USH2A: variants seen among roughly 807,000 people sequenced by gnomAD.
USH2A encodes Usher syndrome 2A (autosomal recessive, mild).
In USH2A, 443 loss-of-function variants were observed where a neutral mutation model predicts 538.9. That is an observed-to-expected ratio of 0.82 (90% CI 0.76 to 0.89). The LOEUF (loss-of-function observed/expected upper bound fraction) is 0.89, where lower values mean the gene tolerates loss of function less well. Ranked by LOEUF, USH2A falls within the 40% of genes least tolerant of loss-of-function variation. The probability of loss-of-function intolerance (pLI) is 0.00; values close to 1 mark genes in which losing one functional copy is unlikely to be tolerated. For synonymous variants in USH2A, 2,413 were observed against 2,273.5 expected, an observed-to-expected ratio of 1.06 and a Z score of -1.75; for missense variants, 6,633 against 6,324.8, an observed-to-expected ratio of 1.05 and a Z score of -1.65.
chr1:215,838,278 G>T (rs1374474348), intron 46 of USH2A, among the ~76,000 whole-genome samples, 175 bp from the exon 47 acceptor site: 1 of 152,180 alleles, frequency 6.6e-6, no homozygotes, highest in Non-Finnish European at 1.5e-5. Flanking sequence ...AATGAGCTCA[G>T]AGGAAGGTAC....
chr1:216,096,712 A>G (rs145700845), intron 22 of USH2A, among the ~76,000 whole-genome samples: 197 of 152,324 alleles, frequency 1.3e-3, no homozygotes, highest in African/African-American at 4.6e-3. Context: ...TGCTGGTGAA[A>G]CAATGAAAAA....
At chr1:215,844,554 A>G in intron 45 of USH2A, 58 bp from the exon 46 acceptor site, 1 of 1,564,630 alleles carries the variant, frequency 6.4e-7, no homozygotes, top group Non-Finnish European at 8.7e-7. Flanking sequence ...AGCACATGTT[A>G]AGCTAAATGC....
At chr1:215,886,522 T>C (rs551067329) in intron 41 of USH2A, 4 of 152,326 alleles carry the variant, frequency 2.6e-5, no homozygotes, top group African/African-American at 9.6e-5. Context: ...AGTTATAAGA[T>C]GAGAATAAAA....
intron 64 of USH2A, among the ~76,000 whole-genome samples, chr1:215,651,624 G>A (rs1193804869): frequency 1.3e-5 from 2 of 149,130 alleles, no homozygotes; most frequent in African/African-American, 2.5e-5. Flanking sequence ...TGAAAAACTT[G>A]TTTGATTCTA....
intron 48 of USH2A, among the ~76,000 whole-genome samples, chr1:215,815,240 G>A (rs74822708): frequency 0.034 from 5,182 of 151,980 alleles, 98 homozygotes; most frequent in African/African-American, 0.051. Context: ...AGTGTGTCTC[G>A]TTTTAGTGTA....
intron 32 of USH2A, among the ~76,000 whole-genome samples, chr1:216,002,375 ATC>A (rs1403442326): frequency 3.9e-5 from 6 of 152,050 alleles, no homozygotes; most frequent in Admixed American, 2.0e-4. Context: ...CATTGTTCTC[ATC>A]TGTCTGAATT....
intron 11 of USH2A, among the ~76,000 whole-genome samples, chr1:216,258,692 T>C (rs1021766572): frequency 7.2e-5 from 11 of 152,234 alleles, no homozygotes; most frequent in Middle Eastern, 3.4e-3. Context: ...ATTTCCTATT[T>C]CTCAGCAAAC....
chr1:216,404,674 T>A (rs1325941865), intron 3 of USH2A, among the ~76,000 whole-genome samples: 3 of 142,664 alleles, frequency 2.1e-5, no homozygotes, highest in Non-Finnish European at 4.5e-5. Flanking sequence ...CAGGCTGGAG[T>A]GCAGTGGCAT....
rs1659882123 is a variant in USH2A at position 215,728,120 on chromosome 1, A to C, written c.11976T>G (p.Asn3992Lys). Residue 3992 changes from asparagine (N) to lysine (K), a missense_variant, in exon 61 of 72, where the codon AAT becomes AAG. Coordinates refer to ENST00000307340, the MANE Select transcript of USH2A (RefSeq NM_206933.4). ...CCACACGGTAATGGGAGATAATGCC[A>C]TTGGGAGATTCTGGCTTTGTCCAAT... ...LLNWTKPESP[N>K]GIISHYRVVY... is the part of the protein sequence containing the mutation. The C allele has an allele frequency of 6.2e-7, 1 of 1,614,060 alleles. No homozygotes were observed. The highest frequency in any genetic ancestry group is 1.3e-5 in the African/African-American group (1 of 74,906).
intron 9 of USH2A, among the ~76,000 whole-genome samples, chr1:216,300,650 G>C (rs773972260): frequency 3.3e-5 from 5 of 150,998 alleles, no homozygotes. Flanking sequence ...GTGTTTCTTC[G>C]TTACCATTAC....
chr1:215,994,231 G>T (rs1361747820), intron 34 of USH2A, among the ~76,000 whole-genome samples: 1 of 152,084 alleles, frequency 6.6e-6, no homozygotes, highest in Admixed American at 6.6e-5. Context: ...TCATTTTTGT[G>T]TAAGACAGAT....
rs1024321580 is a variant in USH2A at position 216,395,962 on chromosome 1, C to T, written c.651+22552G>A. ...ACAAAATCAAAACTCAGGACAATTT[C>T]TAGGCATTTCACTTACACTGTTTCA... On this transcript the variant is annotated intron_variant, in intron 3 of 71. Transcript: ENST00000307340. Among the ~76,000 whole-genome samples, 14 of 152,280 alleles carry T rather than the reference C, an allele frequency of 9.2e-5. No individual in the cohort carries two copies. The South Asian group carries it at 2.9e-3, about 32-fold the overall frequency.
chr1:216,265,729 C>A (rs946210409), intron 11 of USH2A, among the ~76,000 whole-genome samples: 1 of 151,872 alleles, frequency 6.6e-6, no homozygotes, highest in Non-Finnish European at 1.5e-5. Context: ...TTTGAAGCAA[C>A]ATGGATTAGC....
chr1:216,167,172 A>G (rs982211305), intron 21 of USH2A, among the ~76,000 whole-genome samples: 4 of 152,050 alleles, frequency 2.6e-5, no homozygotes, highest in Admixed American at 6.6e-5. Context: ...CCCCACTTCA[A>G]TGAAACTGTT....
intron 32 of USH2A, among the ~76,000 whole-genome samples, chr1:216,038,322 T>C (rs1319830758): frequency 6.6e-6 from 1 of 152,058 alleles, no homozygotes; most frequent in African/African-American, 2.4e-5. Context: ...TGAATTCATG[T>C]TGCCCTGGTA....
At chr1:215,835,976 C>T (rs1663468228) in intron 47 of USH2A, among the ~76,000 whole-genome samples, 1 of 151,870 alleles carries the variant, frequency 6.6e-6, no homozygotes, top group Non-Finnish European at 1.5e-5. Context: ...TTTTTAATAG[C>T]AACTAAAAAT....
At chr1:216,150,682 G>A (rs984817416) in intron 21 of USH2A, among the ~76,000 whole-genome samples, 10 of 151,958 alleles carry the variant, frequency 6.6e-5, no homozygotes, top group Admixed American at 6.5e-5. Context: ...GCAAGCTGCC[G>A]CCCTCCTTCG....
chr1:216,198,497 C>A lies in USH2A; in HGVS notation c.3899G>T (p.Ser1300Ile). ...TSEESRVFQSSGWLSPHSFVE... is the reference protein window; with the variant it reads ...TSEESRVFQSIGWLSPHSFVE... ...AAATGAATGAGGACTGAGCCAACCA[C>A]TGCTCTGAAAAACTCGACTTTCCTC... is the stretch of plus-strand genomic sequence containing the variant. Residue 1300 changes from serine to isoleucine, a missense_variant, in exon 18 of 72, where the codon AGT becomes ATT. Ser to Ile is a moderately radical substitution (Grantham distance 142, BLOSUM62 -2). Transcript: ENST00000307340. 1.2e-6 allele frequency: 2 copies of A among 1,614,032 alleles called. No homozygotes were observed. The highest frequency in any genetic ancestry group is 1.7e-6 in the Non-Finnish European group (2 of 1,179,962).
At chr1:215,795,258 C>G (rs1186581214) in intron 50 of USH2A, among the ~76,000 whole-genome samples, 4 of 152,188 alleles carry the variant, frequency 2.6e-5, no homozygotes, top group Admixed American at 2.6e-4. Context: ...TTAGCTCAAG[C>G]CACACCTGCC....
Sources: allele counts gnomAD v4.1 joint callset (sites outside exome capture counted in the v4.1 genomes callset), GRCh38; gene constraint gnomAD v4.1.1; transcripts MANE v1.5; gene names NCBI Gene and HGNC (gene_info 2026-07-23, HGNC 2026-07-21).